The following ANKS1B variants were observed in gnomAD, a reference collection of about 807,000 sequenced individuals.
ANKS1B encodes ankyrin repeat and sterile alpha motif domain containing 1B.
ANKS1B carries 36 observed loss-of-function variants against 148.3 expected under a neutral mutation model. The ratio of observed to expected loss-of-function variants is 0.24; its 90% CI spans 0.19 to 0.32. The LOEUF is 0.32. ANKS1B is among the 10% of genes least tolerant of loss of function. The pLI, the probability that ANKS1B is intolerant of heterozygous loss-of-function variation, is 1.00. For synonymous variants in ANKS1B, 542 were observed against 560.8 expected, an observed-to-expected ratio of 0.97 and a Z score of 0.47; for missense variants, 1,157 against 1,542.6, an observed-to-expected ratio of 0.75 and a Z score of 4.19.
chr12:99,412,656 C>T (rs2094753686), intron 11 of ANKS1B, among the ~76,000 whole-genome samples: 1 of 152,112 alleles, frequency 6.6e-6, no homozygotes, highest in South Asian at 2.1e-4. Context: ...TTCATCACTG[C>T]TATGAATTTA....
intron 16 of ANKS1B, among the ~76,000 whole-genome samples, chr12:99,070,029 G>C (rs2045763416): frequency 3.3e-5 from 5 of 152,184 alleles, no homozygotes; most frequent in African/African-American, 9.7e-5. Flanking sequence ...TTAATTTTGA[G>C]ATTTAAATGT....
At chr12:99,186,869 A>G (rs2079931120) in intron 14 of ANKS1B, among the ~76,000 whole-genome samples, 1 of 151,986 alleles carries the variant, frequency 6.6e-6, no homozygotes, top group South Asian at 2.1e-4. Flanking sequence ...CTGGATGGAG[A>G]ATGAGTTTGA....
intron 8 of ANKS1B, among the ~76,000 whole-genome samples, chr12:99,743,164 G>T (rs905906700): frequency 6.6e-6 from 1 of 152,088 alleles, no homozygotes; most frequent in African/African-American, 2.4e-5. Flanking sequence ...ATAATAAATT[G>T]TATCAGGGTC....
intron 16 of ANKS1B, among the ~76,000 whole-genome samples, chr12:99,057,565 C>T (rs1040929200): frequency 6.6e-6 from 1 of 152,168 alleles, no homozygotes; most frequent in Non-Finnish European, 1.5e-5. Flanking sequence ...ACATATCTAA[C>T]GAGGTCACTC....
chr12:99,897,382 A>G (rs907099429), intron 1 of ANKS1B, among the ~76,000 whole-genome samples: 9 of 151,236 alleles, frequency 6.0e-5, no homozygotes, highest in African/African-American at 1.9e-4. Context: ...GTATCTCTCA[A>G]ATGCATCATA....
At chr12:98,843,948 G>T (rs2099428513) in intron 17 of ANKS1B, among the ~76,000 whole-genome samples, 1 of 152,146 alleles carries the variant, frequency 6.6e-6, no homozygotes, top group African/African-American at 2.4e-5. Context: ...TATGAGAAGA[G>T]GAAATGTTGA....
chr12:98,936,395 G>A (rs1333750202), intron 17 of ANKS1B, among the ~76,000 whole-genome samples: 1 of 152,204 alleles, frequency 6.6e-6, no homozygotes, highest in Non-Finnish European at 1.5e-5. Flanking sequence ...TTGGGAGGCT[G>A]AGGTGGGCGG....
chr12:98,759,040 C>A (rs1182330352), intron 25 of ANKS1B, among the ~76,000 whole-genome samples: 2 of 151,788 alleles, frequency 1.3e-5, no homozygotes, highest in African/African-American at 2.4e-5. Context: ...CTGGGCCTCC[C>A]AAAGTGCTAG....
At position 99,850,300 on chromosome 12, in the gene ANKS1B, T is replaced by TCTCTCTCTCTCTCTCTCA. The variant is rs1565858597; in HGVS notation, c.135-24912_135-24911insTGAGAGAGAGAGAGAGAG. The stretch of plus-strand genomic sequence containing the variant: ...AAGAAAGTCTCTCTCTCTCTCTCTC[T>TCTCTCTCTCTCTCTCTCA]CTCTCTCTCTCTCTCTCTCACCTAC... On this transcript the variant is annotated intron_variant, in intron 1 of 26. Transcript: ENST00000683438. Among the ~76,000 whole-genome samples, 128 of 151,510 alleles carry TCTCTCTCTCTCTCTCTCA rather than the reference T, an allele frequency of 8.4e-4. 4 individuals carry two copies. The highest frequency in any genetic ancestry group is 3.0e-3 in the African/African-American group (124 of 41,218).
At chr12:98,778,422 C>T (rs1296952882) in intron 24 of ANKS1B, among the ~76,000 whole-genome samples, 2 of 152,162 alleles carry the variant, frequency 1.3e-5, no homozygotes, top group African/African-American at 2.4e-5. Context: ...GCCTCTAGTA[C>T]CTGAAATGGT....
chr12:98,888,362 A>G (rs2099744951), intron 17 of ANKS1B, among the ~76,000 whole-genome samples: 2 of 152,124 alleles, frequency 1.3e-5, no homozygotes, highest in South Asian at 4.2e-4. Context: ...AGTCACTATT[A>G]TTTCTCACCT....
chr12:98,951,984 A>C (rs2099854761), intron 17 of ANKS1B, among the ~76,000 whole-genome samples: 1 of 152,176 alleles, frequency 6.6e-6, no homozygotes, highest in Non-Finnish European at 1.5e-5. Flanking sequence ...CCTCAATAAA[A>C]TCTGGTGAAT....
In ANKS1B at chr12:99,160,079, T is replaced by G. The variant is rs190923833; in HGVS notation, c.2420-5684A>C. Among the ~76,000 whole-genome samples the G allele has an allele frequency of 2.0e-5, 3 of 152,332 alleles. No individual in the cohort carries two copies. The East Asian group carries it at 5.8e-4, about 29-fold the overall frequency. ...CCCATTTTTAATGTGGTTATTTATT[T>G]TTATTTGTTCAATTGTTTAAGTTCC... On this transcript the variant is annotated intron_variant, in intron 14 of 26. Coordinates refer to ENST00000683438, the MANE Select transcript of ANKS1B (RefSeq NM_001352186.2).
At chr12:99,958,710 G>T (rs547892813) in intron 1 of ANKS1B, among the ~76,000 whole-genome samples, 1 of 152,218 alleles carries the variant, frequency 6.6e-6, no homozygotes, top group African/African-American at 2.4e-5. Flanking sequence ...CTAAGTCAAA[G>T]AATAACATGT....
At chr12:98,736,537 A>G (rs970024762) in intron 9 of ANKS1B, among the ~76,000 whole-genome samples, 19 of 152,308 alleles carry the variant, frequency 1.2e-4, no homozygotes, top group African/African-American at 4.6e-4. Context: ...GCGGGATGCA[A>G]GGCTCTGGAG....
intron 1 of ANKS1B, among the ~76,000 whole-genome samples, chr12:99,908,748 C>G (rs533436029): frequency 5.3e-4 from 81 of 152,228 alleles, no homozygotes; most frequent in Admixed American, 8.5e-4. Context: ...ATCGTAAATA[C>G]TTAAGGTATA....
chr12:99,877,253 C>T (rs966704042), intron 1 of ANKS1B, among the ~76,000 whole-genome samples: 3 of 152,156 alleles, frequency 2.0e-5, no homozygotes, highest in Admixed American at 6.5e-5. Flanking sequence ...TGTTGATTTG[C>T]ATGTACTTGA....
chr12:99,219,344 T>C (rs1364007227), intron 14 of ANKS1B, among the ~76,000 whole-genome samples: 1 of 152,102 alleles, frequency 6.6e-6, no homozygotes, highest in Non-Finnish European at 1.5e-5. Context: ...CTAGAAACCA[T>C]CCTTTTGAAA....
intron 14 of ANKS1B, among the ~76,000 whole-genome samples, chr12:99,178,059 A>G (rs1566561283): frequency 6.6e-6 from 1 of 152,042 alleles, no homozygotes; most frequent in East Asian, 1.9e-4. Context: ...TCTATTTTTC[A>G]TTATCTTCTG....
Sources: gnomAD v4.1 joint callset for allele counts (sites outside exome capture counted in the v4.1 genomes callset) on GRCh38, gnomAD v4.1.1 for gene constraint, MANE v1.5 for transcripts, NCBI Gene and HGNC (gene_info 2026-07-23, HGNC 2026-07-21) for gene names.